Variants in ZNF441 observed in about 807,000 individuals in gnomAD.
ZNF441 encodes the protein zinc finger protein 441.
ZNF441 carries 25 observed loss-of-function variants against 64.5 expected under a neutral mutation model. That is an observed-to-expected ratio of 0.39 (90% CI 0.28 to 0.54). The LOEUF (loss-of-function observed/expected upper bound fraction) is 0.54. ZNF441 is among the 20% of genes least tolerant of loss of function. The pLI is 0.70. For synonymous variants in ZNF441, 262 were observed against 268.0 expected (o/e 0.98, Z 0.22); for missense variants, 715 against 843.3 (o/e 0.85, Z 1.88).
In ZNF441 at chr19:11,767,644, G is replaced by A. The variant is rs942594275; in HGVS notation, c.3+448G>A. On this transcript the variant is annotated intron_variant, in intron 1 of 3. Coordinates refer to ENST00000357901, the MANE Select transcript of ZNF441 (RefSeq NM_152355.3). The surrounding 1 kb of genome is among the most constrained non-coding windows in gnomAD (Gnocchi z 5.1). The stretch of plus-strand genomic sequence containing the variant: ...GGCTGGGGCGTGGGGTCGCTGGATG[G>A]TGGGGAAGTGAGGGGTGACTCTTGG... Among the ~76,000 whole-genome samples the A allele has an allele frequency of 1.3e-5, 2 of 152,340 alleles. No individual in the cohort carries two copies. The highest frequency in any genetic ancestry group is 2.1e-4 in the South Asian group (1 of 4,830).
Position 11,780,541 on chromosome 19 carries a change from T to A in ZNF441, c.717T>A (p.Thr239=), listed in dbSNP as rs756930671. The A allele has an allele frequency of 6.2e-7, 1 of 1,614,140 alleles. No homozygotes were observed. Among genetic ancestry groups the A allele is most frequent in the South Asian group, 1.1e-5 (1 of 91,086 alleles). Reference sequence around the variant, plus strand: ...CAGCGTTTCCTGCTTATAGTTCCACTCTAAGACATGAAAGAACACACAGTG... The same window carrying A: ...CAGCGTTTCCTGCTTATAGTTCCACACTAAGACATGAAAGAACACACAGTG... ...CSTAFPAYSS[T]LRHERTHSGE... is the part of the protein sequence containing the mutation. Residue 239 remains threonine, a synonymous_variant, in exon 4 of 4, where the codon ACT becomes ACA. Coordinates refer to ENST00000357901, the MANE Select transcript of ZNF441 (RefSeq NM_152355.3).
At chr19:11,772,484 A>C (rs1383810582) in intron 1 of ZNF441, among the ~76,000 whole-genome samples, 2 of 152,194 alleles carry the variant, frequency 1.3e-5, no homozygotes, top group African/African-American at 2.4e-5. Context: ...CATTCAGGAA[A>C]TCTATCAGAA....
chr19:11,778,304 G>C (rs1279759613), intron 2 of ZNF441, 26 bp from the exon 3 acceptor site: 1 of 1,420,218 alleles, frequency 7.0e-7, no homozygotes, highest in South Asian at 1.3e-5. Context: ...ATAATTTATA[G>C]TCATTTTTCT....
At position 11,781,559 on chromosome 19, in the gene ZNF441, A is replaced by T; in HGVS notation, c.1735A>T (p.Ile579Leu). The T allele has an allele frequency of 6.2e-7, 1 of 1,614,132 alleles. No individual in the cohort carries two copies. Among genetic ancestry groups the T allele is most frequent in the Non-Finnish European group, 8.5e-7 (1 of 1,179,998 alleles). Residue 579 changes from isoleucine to leucine, a missense_variant, in exon 4 of 4, where the codon ATA becomes TTA. Physicochemically the swap from Ile to Leu is conservative, Grantham distance 5 (BLOSUM62 2). Transcript: ENST00000357901. ...SDLSSFRRHM[I>L]THTGNGPHKC... is the part of the protein sequence containing the mutation. ...TCTCTCAAGCTTTCGAAGACACATG[A>T]TAACACATACTGGAAATGGACCTCA... is the stretch of plus-strand genomic sequence containing the variant.
intron 1 of ZNF441, among the ~76,000 whole-genome samples, chr19:11,771,428 G>A (rs1377158424): frequency 1.3e-5 from 2 of 152,178 alleles, no homozygotes; most frequent in African/African-American, 4.8e-5. Context: ...CCCAGGCGCC[G>A]AGGCAAGAGA....
chr19:11,780,605 T>A lies in ZNF441; in HGVS notation c.781T>A (p.Phe261Ile). ...PYQCKQCGKA[F>I]SCSCYTQLYE... ...TCAATGTAAACAATGTGGGAAAGCC[T>A]TCAGTTGTTCCTGTTACACTCAACT... is the stretch of plus-strand genomic sequence containing the variant. Residue 261 changes from phenylalanine (F) to isoleucine (I), a missense_variant, in exon 4 of 4, where the codon TTC (phenylalanine) becomes ATC (isoleucine). By Grantham distance (21) the Phe-to-Ile change is conservative (BLOSUM62 0). Around this residue, in one of 2 missense-constraint regions of ZNF441, gnomAD observed 399 missense variants for 413.9 expected, o/e 0.96. Coordinates refer to ENST00000357901, the MANE Select transcript of ZNF441 (RefSeq NM_152355.3). 1 of 1,614,176 alleles carries A rather than the reference T, an allele frequency of 6.2e-7. No individual in the cohort carries two copies. The highest frequency in any genetic ancestry group is 8.5e-7 in the Non-Finnish European group (1 of 1,180,028).
chr19:11,778,136 G>A, intron 2 of ZNF441, 194 bp from the exon 3 acceptor site: 3 of 520,774 alleles, frequency 5.8e-6, no homozygotes, highest in Non-Finnish European at 1.0e-5. Flanking sequence ...AGGAGGGGTT[G>A]GTCTTGCTGT....
In ZNF441 at chr19:11,783,129, A is replaced by T. The variant is rs1435196517; in HGVS notation, c.*1223A>T. ...TATAAATAATCCCATTAAAGTGGGA[A>T]AAGGATGTGAACAGACAGTTCTCAA... On this transcript the variant is annotated 3_prime_UTR_variant, in exon 4 of 4. Coordinates refer to ENST00000357901, the MANE Select transcript of ZNF441 (RefSeq NM_152355.3). The T allele has an allele frequency of 6.6e-6, 1 of 152,238 alleles. No individual in the cohort carries two copies. Among genetic ancestry groups the T allele is most frequent in the African/African-American group, 2.4e-5 (1 of 41,466 alleles). 9.4% of individuals were successfully genotyped at this position (152,238 alleles called of 1,614,324 possible).
chr19:11,779,472 T>TA (rs1208846633), intron 3 of ZNF441, among the ~76,000 whole-genome samples: 3 of 151,244 alleles, frequency 2.0e-5, no homozygotes, highest in East Asian at 1.9e-4. Flanking sequence ...CTCGTCTCTA[T>TA]AAAAAATACA....
chr19:11,775,910 G>A (rs1441058602), intron 1 of ZNF441, among the ~76,000 whole-genome samples: 1 of 152,094 alleles, frequency 6.6e-6, no homozygotes, highest in Non-Finnish European at 1.5e-5. Flanking sequence ...TTACAAACGT[G>A]AGCCACCACG....
At chr19:11,769,003 G>A (rs1469904170) in intron 1 of ZNF441, among the ~76,000 whole-genome samples, 1 of 152,162 alleles carries the variant, frequency 6.6e-6, no homozygotes, top group African/African-American at 2.4e-5. Flanking sequence ...GCAGCATGGT[G>A]ATGGGGGATG....
Position 11,782,063 on chromosome 19 carries a change from C to T in ZNF441, c.*157C>T, listed in dbSNP as rs1975409421. The T allele has an allele frequency of 1.9e-6, 1 of 531,676 alleles. No individual in the cohort carries two copies. The highest frequency in any genetic ancestry group is 3.0e-5 in the East Asian group (1 of 33,348). The allele number at this position is 531,676 out of a possible 1,614,324, so 32.9% of individuals were successfully genotyped here. ...AGTACCTTTTGAAAACATGACCAAACTCATACTTCAAAAATATATATATAA... is the reference window on the plus strand; with the variant it reads ...AGTACCTTTTGAAAACATGACCAAATTCATACTTCAAAAATATATATATAA... On this transcript the variant is annotated 3_prime_UTR_variant, in exon 4 of 4. Coordinates refer to ENST00000357901, the MANE Select transcript of ZNF441 (RefSeq NM_152355.3).
At chr19:11,777,055 C>G (rs978971735) in intron 1 of ZNF441, among the ~76,000 whole-genome samples, 1 of 152,188 alleles carries the variant, frequency 6.6e-6, no homozygotes, top group African/African-American at 2.4e-5. Context: ...GGTGATCTGC[C>G]TGCCGCGGCC....
At chr19:11,770,170 A>G (rs1975301962) in intron 1 of ZNF441, among the ~76,000 whole-genome samples, 2 of 152,312 alleles carry the variant, frequency 1.3e-5, no homozygotes, top group African/African-American at 4.8e-5. Context: ...CAGGAAACTT[A>G]CAATTGTGGC....
At chr19:11,777,531 T>C in intron 1 of ZNF441, 80 bp from the exon 2 acceptor site, 1 of 1,496,630 alleles carries the variant, frequency 6.7e-7, no homozygotes, top group South Asian at 1.2e-5. Flanking sequence ...CACAGCATCA[T>C]GTGAAGGTTA....
At position 11,767,644 on chromosome 19, in the gene ZNF441, G is replaced by T. The variant is rs942594275; in HGVS notation, c.3+448G>T. Among the ~76,000 whole-genome samples the T allele has an allele frequency of 3.9e-5, 6 of 152,222 alleles. No individual in the cohort carries two copies. Among genetic ancestry groups the T allele is most frequent in the African/African-American group, 1.4e-4 (6 of 41,464 alleles). ...GGCTGGGGCGTGGGGTCGCTGGATG[G>T]TGGGGAAGTGAGGGGTGACTCTTGG... On this transcript the variant is annotated intron_variant, in intron 1 of 3. Transcript: ENST00000357901. This position sits in a 1 kb window ranked among gnomAD's most constrained non-coding sequence, Gnocchi z 5.1.
chr19:11,781,329 C>T lies in ZNF441; in HGVS notation c.1505C>T (p.Pro502Leu). The T allele has an allele frequency of 6.2e-7, 1 of 1,613,804 alleles. No homozygotes were observed. Among genetic ancestry groups the T allele is most frequent in the South Asian group, 1.1e-5 (1 of 91,076 alleles). Residue 502 changes from proline (P) to leucine (L), a missense_variant, in exon 4 of 4, where the codon CCT becomes CTT. Physicochemically the swap from Pro to Leu is moderately conservative, Grantham distance 98. This residue lies in a region of ZNF441 where 316 missense variants were observed against 429.3 expected (regional missense o/e 0.74). Coordinates refer to ENST00000357901, the MANE Select transcript of ZNF441 (RefSeq NM_152355.3). The part of the protein sequence containing the change: ...RHMIMHTGDG[P>L]HKCKICGKSF... ...ATGATAATGCACACTGGAGATGGAC[C>T]TCATAAATGTAAGATATGTGGGAAA... is the stretch of plus-strand genomic sequence containing the variant.
rs1234508875 is a variant in ZNF441 at position 11,781,838 on chromosome 19, A to T, written c.2014A>T (p.Lys672Ter). The T allele has an allele frequency of 6.2e-7, 1 of 1,611,980 alleles. No homozygotes were observed. The highest frequency in any genetic ancestry group is 8.5e-7 in the Non-Finnish European group (1 of 1,178,874). Residue 672 changes from lysine (K) to a stop codon, truncating the protein, a stop_gained, in exon 4 of 4, where the codon AAG (lysine) becomes TAG (stop). Coordinates refer to ENST00000357901, the MANE Select transcript of ZNF441 (RefSeq NM_152355.3). LOFTEE classifies it high-confidence loss of function. ...GACCCACAGTATGGAGAAACCCTAT[A>T]AGTGTAAAGAATGTGGGGAAGCATT... ...ERTHSMEKPY[K>*]CKECGEAFHC...
rs746443604 is a variant in ZNF441 at position 11,783,161 on chromosome 19, A to G, written c.*1255A>G. ...GTGAACAGACAGTTCTCAAAAGAAG[A>G]CATGCAAATGGCCAAAAAGTATATG... On this transcript the variant is annotated 3_prime_UTR_variant, in exon 4 of 4. Coordinates refer to ENST00000357901, the MANE Select transcript of ZNF441 (RefSeq NM_152355.3). The G allele has an allele frequency of 6.6e-6, 1 of 152,232 alleles. No homozygotes were observed. The highest frequency in any genetic ancestry group is 1.5e-5 in the Non-Finnish European group (1 of 68,040). 9.4% of individuals were successfully genotyped at this position (152,232 alleles called of 1,614,324 possible). A position where few individuals can be genotyped will look rare whatever the true frequency, so the allele number is the denominator to read the frequency against.
Sources: allele counts gnomAD v4.1 joint callset (sites outside exome capture counted in the v4.1 genomes callset), GRCh38; gene constraint gnomAD v4.1.1; regional missense constraint gnomAD v4.1.1; non-coding constraint Gnocchi (gnomAD v3.1); transcripts MANE v1.5; gene names NCBI Gene and HGNC (gene_info 2026-07-23, HGNC 2026-07-21).